Variants in MIPOL1 observed in about 807,000 individuals in gnomAD.
MIPOL1 encodes the protein mirror-image polydactyly gene 1 protein.
In MIPOL1, 57 loss-of-function variants were observed where a neutral mutation model predicts 60.9. The observed-to-expected ratio is 0.94, with a 90% CI of 0.76 to 1.17. The LOEUF (loss-of-function observed/expected upper bound fraction) is 1.17. Among genes scored for constraint, MIPOL1 ranks in the 50% most tolerant of loss-of-function variants. The pLI is 0.00. For synonymous variants in MIPOL1, 179 were observed against 168.8 expected (o/e 1.06, Z -0.47); for missense variants, 551 against 511.6 (o/e 1.08, Z -0.74).
chr14:37,424,078 G>A (rs948114091), intron 11 of MIPOL1, among the ~76,000 whole-genome samples: 4 of 152,150 alleles, frequency 2.6e-5, no homozygotes, highest in African/African-American at 9.7e-5. Context: ...AGTTCCATAA[G>A]AGTTGGTGAA....
intron 1 of MIPOL1, among the ~76,000 whole-genome samples, chr14:37,231,568 T>G (rs59508104): frequency 6.6e-6 from 1 of 152,142 alleles, no homozygotes; most frequent in African/African-American, 2.4e-5. Flanking sequence ...AGTTGATTTC[T>G]CTACTTAAAA....
chr14:37,499,796 G>T (rs2095188588), intron 11 of MIPOL1, 112 bp from the exon 12 acceptor site: 2 of 506,670 alleles, frequency 3.9e-6, no homozygotes, highest in African/African-American at 3.9e-5. Flanking sequence ...GCTCATTTAA[G>T]TATTTATTGA....
At chr14:37,293,057 C>T (rs1219126568) in intron 7 of MIPOL1, among the ~76,000 whole-genome samples, 2 of 152,230 alleles carry the variant, frequency 1.3e-5, no homozygotes, top group South Asian at 2.1e-4. Context: ...TTATTTGTTT[C>T]AGTATTGTAG....
intron 12 of MIPOL1, among the ~76,000 whole-genome samples, chr14:37,543,000 C>G (rs571325652): frequency 4.6e-4 from 70 of 152,224 alleles, no homozygotes; most frequent in South Asian, 3.3e-3. Context: ...ATATTCCCCC[C>G]ACACACATAC....
chr14:37,508,907 T>G (rs776275862), intron 12 of MIPOL1, among the ~76,000 whole-genome samples: 1 of 152,156 alleles, frequency 6.6e-6, no homozygotes, highest in East Asian at 1.9e-4. Context: ...TGAACTCTCA[T>G]CATTTAGTAC....
chr14:37,410,020 C>T (rs2093655715), intron 10 of MIPOL1, among the ~76,000 whole-genome samples: 1 of 152,070 alleles, frequency 6.6e-6, no homozygotes, highest in Admixed American at 6.6e-5. Context: ...AGATATCTAT[C>T]CACAGCAAGA....
chr14:37,275,047 C>T (rs1275060698), intron 6 of MIPOL1, among the ~76,000 whole-genome samples: 1 of 150,590 alleles, frequency 6.6e-6, no homozygotes, highest in Non-Finnish European at 1.5e-5. Context: ...TAATTTGATC[C>T]TCAGTTTTGA....
intron 6 of MIPOL1, among the ~76,000 whole-genome samples, chr14:37,271,733 A>G (rs868438183): frequency 3.3e-5 from 5 of 151,878 alleles, no homozygotes; most frequent in Non-Finnish European, 5.9e-5. Context: ...ATGTATAAAT[A>G]TACTAATTTT....
chr14:37,240,336 G>T (rs956106798), intron 1 of MIPOL1: 1 of 152,090 alleles, frequency 6.6e-6, no homozygotes, highest in East Asian at 1.9e-4. Flanking sequence ...ATTTTTGAAA[G>T]ACATTTTCTG....
chr14:37,356,728 C>T (rs189205517), intron 9 of MIPOL1, among the ~76,000 whole-genome samples: 25 of 152,304 alleles, frequency 1.6e-4, no homozygotes, highest in Middle Eastern at 6.8e-3. Context: ...TGACCCCTTG[C>T]GCTTCCCGAG....
intron 7 of MIPOL1, among the ~76,000 whole-genome samples, chr14:37,302,471 A>T (rs1440751522): frequency 6.6e-6 from 1 of 151,470 alleles, no homozygotes; most frequent in Non-Finnish European, 1.5e-5. Flanking sequence ...CTTGTTGTTT[A>T]AAAGAGTTGT....
intron 3 of MIPOL1, among the ~76,000 whole-genome samples, chr14:37,248,131 C>T (rs1402513284): frequency 6.6e-6 from 1 of 150,926 alleles, no homozygotes; most frequent in Non-Finnish European, 1.5e-5. Flanking sequence ...CACACACATG[C>T]ACACAGAGGA....
intron 10 of MIPOL1, among the ~76,000 whole-genome samples, chr14:37,375,601 T>G (rs886337598): frequency 5.9e-5 from 9 of 152,200 alleles, no homozygotes; most frequent in South Asian, 2.1e-4. Context: ...GAGCTCTGAT[T>G]GTTAATAAAA....
intron 11 of MIPOL1, among the ~76,000 whole-genome samples, chr14:37,428,161 C>CT (rs1486591704): frequency 6.6e-6 from 1 of 152,130 alleles, no homozygotes; most frequent in African/African-American, 2.4e-5. Context: ...GGCATGTATA[C>CT]TGTGAAGCAG....
chr14:37,320,561 T>G (rs2088466604), intron 9 of MIPOL1, among the ~76,000 whole-genome samples: 1 of 152,102 alleles, frequency 6.6e-6, no homozygotes, highest in African/African-American at 2.4e-5. Flanking sequence ...TGCATTTTTA[T>G]TCTCTTAATG....
intron 7 of MIPOL1, among the ~76,000 whole-genome samples, chr14:37,304,249 A>G (rs2086590290): frequency 6.6e-6 from 1 of 151,648 alleles, no homozygotes; most frequent in South Asian, 2.1e-4. Context: ...TCTGATCTAC[A>G]TTGTATCTCT....
Position 37,199,438 on chromosome 14 carries a change from T to C in MIPOL1, c.-199+1334T>C, listed in dbSNP as rs187969869. Among the ~76,000 whole-genome samples the C allele has an allele frequency of 2.0e-3, 308 of 152,372 alleles. 1 individual carries two copies. The highest frequency in any genetic ancestry group is 7.3e-3 in the African/African-American group (303 of 41,600). On this transcript the variant is annotated intron_variant, in intron 1 of 12. Transcript: ENST00000684589. ...AGCAGTTTGTTATTCTCATGCTGTATGTATAGTATTTCTAGTTTTTGGCTA... is the reference window on the plus strand; with the variant it reads ...AGCAGTTTGTTATTCTCATGCTGTACGTATAGTATTTCTAGTTTTTGGCTA...
At chr14:37,372,824 TAAC>T (rs1001481864) in intron 10 of MIPOL1, among the ~76,000 whole-genome samples, 2 of 151,968 alleles carry the variant, frequency 1.3e-5, no homozygotes, top group African/African-American at 4.8e-5. Flanking sequence ...TTTTCTCTAA[TAAC>T]AAGTAAAACA....
chr14:37,328,744 A>T (rs2089419720), intron 9 of MIPOL1, among the ~76,000 whole-genome samples: 1 of 152,190 alleles, frequency 6.6e-6, no homozygotes, highest in Non-Finnish European at 1.5e-5. Context: ...AAATGACAGC[A>T]TTATTTAATG....
Sources: allele counts gnomAD v4.1 joint callset (sites outside exome capture counted in the v4.1 genomes callset), GRCh38; gene constraint gnomAD v4.1.1; transcripts MANE v1.5; gene names NCBI Gene and HGNC (gene_info 2026-07-23, HGNC 2026-07-21).